The following MAP7D2 variants were observed in gnomAD, a reference collection of about 807,000 sequenced individuals.
The protein encoded by MAP7D2 is MAP7 domain-containing protein 2.
A neutral mutation model predicts 63.5 loss-of-function variants in MAP7D2; 33 were observed. That is an observed-to-expected ratio of 0.52 (90% CI 0.39 to 0.70). MAP7D2 has a LOEUF of 0.70. Among genes scored for constraint, MAP7D2 ranks in the 30% least tolerant of loss-of-function variants. The pLI is 0.00. For missense variants in MAP7D2, 626 were observed against 604.0 expected, an observed-to-expected ratio of 1.04 and a Z score of -0.38; for synonymous variants, 224 against 223.7, an observed-to-expected ratio of 1.00 and a Z score of -0.01.
intron 1 of MAP7D2, among the ~76,000 whole-genome samples, chrX:20,101,034 A>C (rs758386431): frequency 7.3e-5 from 8 of 110,212 alleles, no homozygotes; most frequent in South Asian, 3.8e-4. Context: ...AAAAAAAAAA[A>C]AACAAACAAA....
rs369237812 is a variant in MAP7D2 at position 20,056,684 on chromosome X, A to C, written c.480T>G (p.His160Gln). ...CAGGGGCAACCCTACACTCACCATC[A>C]TGTCCTCCGGGTCCAATGGCCAGTG... is the stretch of plus-strand genomic sequence containing the variant. Reference protein sequence around the residue: ...GAPLAIGPGGHDACDKLSTST... With the variant: ...GAPLAIGPGGQDACDKLSTST... The change falls in exon 4 of 17, where the codon CAT becomes CAG. Residue 160 changes from histidine to glutamine, a missense_variant. Coordinates refer to ENST00000379643, the MANE Select transcript of MAP7D2 (RefSeq NM_001168465.2). The C allele has an allele frequency of 1.0e-5, 12 of 1,205,347 alleles. No individual in the cohort carries two copies. Among genetic ancestry groups the C allele is most frequent in the Non-Finnish European group, 1.3e-5 (12 of 891,359 alleles).
intron 1 of MAP7D2, among the ~76,000 whole-genome samples, chrX:20,114,040 T>C (rs968806264): frequency 8.9e-6 from 1 of 111,737 alleles, no homozygotes; most frequent in African/African-American, 3.3e-5. Context: ...CACCCTATTT[T>C]GTTTTTCTTT....
intron 3 of MAP7D2, among the ~76,000 whole-genome samples, chrX:20,057,720 C>A (rs1397049234): frequency 9.0e-6 from 1 of 111,479 alleles, no homozygotes; most frequent in Non-Finnish European, 1.9e-5. Flanking sequence ...AACCCAACCC[C>A]GAGGTGCTCC....
At chrX:20,041,315 A>G (rs1251258770) in intron 8 of MAP7D2, among the ~76,000 whole-genome samples, 1 of 111,981 alleles carries the variant, frequency 8.9e-6, no homozygotes, top group Admixed American at 9.5e-5. Context: ...GATGGGCAAT[A>G]CTAGCACAGA....
intron 1 of MAP7D2, among the ~76,000 whole-genome samples, chrX:20,094,553 T>C (rs1243413070): frequency 1.7e-4 from 2 of 11,575 alleles, no homozygotes; most frequent in Admixed American, 3.3e-3. Context: ...TATATATATA[T>C]ATATATATAT....
At chrX:20,102,170 G>A (rs1043529940) in intron 1 of MAP7D2, among the ~76,000 whole-genome samples, 7 of 111,477 alleles carry the variant, frequency 6.3e-5, no homozygotes, top group African/African-American at 2.3e-4. Flanking sequence ...TAAGATTTGT[G>A]TACTTTAGTT....
At chrX:20,082,523 G>GC (rs1905279499) in intron 1 of MAP7D2, among the ~76,000 whole-genome samples, 1 of 112,244 alleles carries the variant, frequency 8.9e-6, no homozygotes, top group Admixed American at 9.4e-5. Flanking sequence ...ACAGATCTGT[G>GC]CGTCTGGCAT....
intron 4 of MAP7D2, among the ~76,000 whole-genome samples, chrX:20,054,455 T>A (rs1362452748): frequency 8.9e-6 from 1 of 111,987 alleles, no homozygotes; most frequent in Admixed American, 9.4e-5. Context: ...GATATTATTT[T>A]ATCTTTATTA....
intron 8 of MAP7D2, among the ~76,000 whole-genome samples, chrX:20,028,865 A>T (rs1198910354): frequency 8.9e-6 from 1 of 112,311 alleles, no homozygotes; most frequent in African/African-American, 3.2e-5. Flanking sequence ...GTGGTAGATG[A>T]TAACAGATGG....
intron 1 of MAP7D2, among the ~76,000 whole-genome samples, chrX:20,093,588 C>T (rs1256263982): frequency 9.0e-6 from 1 of 110,750 alleles, no homozygotes; most frequent in East Asian, 2.8e-4. Flanking sequence ...ACCCGGGAGG[C>T]AGAGGTTGTA....
intron 3 of MAP7D2, among the ~76,000 whole-genome samples, chrX:20,060,411 AAGAAAAGAG>A (rs1215803590): frequency 1.0e-5 from 1 of 100,113 alleles, no homozygotes; most frequent in African/African-American, 3.7e-5. Context: ...AAGAAAAGAA[AAGAAAAGAG>A]AGAGAGAGAG....
rs56796954 is a variant in MAP7D2, at chrX:20,027,757, GGAGAGAGA to G, written c.1008-1813_1008-1806del. Among the ~76,000 whole-genome samples the G allele has an allele frequency of 4.3e-4, 33 of 76,218 alleles. 1 individual carries two copies. The highest frequency in any genetic ancestry group is 1.1e-3 in the African/African-American group (20 of 18,105). 66.2% of individuals were successfully genotyped at this position (76,218 alleles called of 115,157 possible). On this transcript the variant is annotated intron_variant, in intron 8 of 16. Coordinates refer to ENST00000379643, the MANE Select transcript of MAP7D2 (RefSeq NM_001168465.2). Reference sequence around the variant, plus strand: ...GGAGAGAGGGAGAGAGAAGGCGGGGGGAGAGAGAGAGAGAGAGAGAGAGAGAGAGAGAG... The same window carrying G: ...GGAGAGAGGGAGAGAGAAGGCGGGGGGAGAGAGAGAGAGAGAGAGAGAGAG...
At chrX:20,052,142 C>T (rs543670500) in intron 5 of MAP7D2, among the ~76,000 whole-genome samples, 10 of 112,669 alleles carry the variant, frequency 8.9e-5, no homozygotes, top group South Asian at 3.7e-4. Flanking sequence ...ACTCCACTGG[C>T]ACCTGATACT....
intron 5 of MAP7D2, 25 bp downstream of exon 5, chrX:20,052,853 A>C (rs765727996): frequency 9.1e-7 from 1 of 1,098,850 alleles, no homozygotes; most frequent in African/African-American, 1.8e-5. Context: ...CAAACTAGAG[A>C]GACCAAGTCT....
In MAP7D2 at chrX:20,025,030, A is replaced by G; in HGVS notation, c.1333T>C (p.Leu445=). The G allele has an allele frequency of 8.3e-7, 1 of 1,211,245 alleles. No homozygotes were observed. Among genetic ancestry groups the G allele is most frequent in the East Asian group, 3.0e-5 (1 of 33,820 alleles). Residue 445 remains leucine, a synonymous_variant, in exon 10 of 17, where the codon TTG becomes CTG. Coordinates refer to ENST00000379643, the MANE Select transcript of MAP7D2 (RefSeq NM_001168465.2). ...TTDAGEAAKI[L]AEKRRQARLQ... Reference sequence around the variant, plus strand: ...CGGGCCTGTCTTCTCTTTTCAGCCAAGATCTTCGCAGCCTCTCCTGCATCA... The same window carrying G: ...CGGGCCTGTCTTCTCTTTTCAGCCAGGATCTTCGCAGCCTCTCCTGCATCA...
chrX:20,013,037 C>G lies in MAP7D2; in HGVS notation c.1885+17G>C, dbSNP rs1463410218. On this transcript the variant is annotated intron_variant, in intron 14 of 16. Coordinates refer to ENST00000379643, the MANE Select transcript of MAP7D2 (RefSeq NM_001168465.2). The stretch of plus-strand genomic sequence containing the variant: ...GCTACTAAAAGGAAGAACCCAAGAA[C>G]CAGATGTCACACTCACCCATTTTGT... 4 of 1,192,683 alleles carry G rather than the reference C, an allele frequency of 3.4e-6. No homozygotes were observed. Among genetic ancestry groups the G allele is most frequent in the Non-Finnish European group, 4.6e-6 (4 of 878,667 alleles).
At chrX:20,086,541 G>T (rs2065914852) in intron 1 of MAP7D2, among the ~76,000 whole-genome samples, 1 of 111,855 alleles carries the variant, frequency 8.9e-6, no homozygotes, top group Admixed American at 9.5e-5. Context: ...CAGGAGAACA[G>T]TGGTTGGCAT....
At chrX:20,022,534 C>A (rs1249946376) in intron 10 of MAP7D2, among the ~76,000 whole-genome samples, 2 of 110,262 alleles carry the variant, frequency 1.8e-5, no homozygotes, top group Non-Finnish European at 3.8e-5. Flanking sequence ...GGGGCTGGAG[C>A]TGAGGAAGGA....
rs866995009 is a variant in MAP7D2 at position 20,094,510 on chromosome X, A to G, written c.130+22240T>C. Among the ~76,000 whole-genome samples, 44 of 9,010 alleles carry G rather than the reference A, an allele frequency of 4.9e-3. 1 individual carries two copies. The highest frequency in any genetic ancestry group is 0.016 in the East Asian group (6 of 377). The allele number at this position is 9,010 out of a possible 115,157, so 7.8% of individuals were successfully genotyped here. A position where few individuals can be genotyped will look rare whatever the true frequency, so the allele number is the denominator to read the frequency against. On this transcript the variant is annotated intron_variant, in intron 1 of 16. Transcript: ENST00000379643. ...TACATATATATATATATATATATAT[A>G]TATATGTATATATATATATATATAT...
Sources: gnomAD v4.1 joint callset for allele counts (sites outside exome capture counted in the v4.1 genomes callset) on GRCh38, gnomAD v4.1.1 for gene constraint, MANE v1.5 for transcripts, NCBI Gene and HGNC (gene_info 2026-07-23, HGNC 2026-07-21) for gene names.